Variants in DACH1 observed in about 807,000 individuals in gnomAD.
DACH1 encodes dachshund family transcription factor 1, also known as dachshund homolog 1.
DACH1 carries 12 observed loss-of-function variants against 54.2 expected under a neutral mutation model. The observed-to-expected ratio is 0.22, with a 90% confidence interval of 0.14 to 0.36. The LOEUF (loss-of-function observed/expected upper bound fraction) is 0.36. DACH1 is among the 10% of genes least tolerant of loss of function. The pLI is 1.00. For missense variants in DACH1, 805 were observed against 929.8 expected (o/e 0.87, Z 1.75); for synonymous variants, 386 against 366.2 (o/e 1.05, Z -0.62).
At chr13:71,541,925 G>GTTTTTTTT (rs397720054) in intron 6 of DACH1, among the ~76,000 whole-genome samples, 30 of 105,794 alleles carry the variant, frequency 2.8e-4, no homozygotes, top group Non-Finnish European at 3.4e-4. Context: ...TATTTGCCCA[G>GTTTTTTTT]TTTTTTTTTT....
rs1874833772 is a variant in DACH1, at chr13:71,866,623, G to A, written c.147C>T (p.Ser49=). ...SPAPSIGPPA[S]SGPTLFRPEP... ...CCGGGCGGAACAGAGTTGGCCCAGA[G>A]GACGCCGGGGGTCCGATGGAAGGAG... The change falls in exon 1 of 11, where the codon TCC becomes TCT. Residue 49 remains serine, a synonymous_variant. Transcript: ENST00000613252. The A allele has an allele frequency of 1.6e-5, 22 of 1,389,024 alleles. No homozygotes were observed. The highest frequency in any genetic ancestry group is 2.1e-5 in the Non-Finnish European group (22 of 1,064,942). 86.0% of individuals were successfully genotyped at this position (1,389,024 alleles called of 1,614,324 possible).
At chr13:71,554,564 A>G (rs1884116575) in intron 6 of DACH1, among the ~76,000 whole-genome samples, 1 of 152,108 alleles carries the variant, frequency 6.6e-6, no homozygotes, top group Non-Finnish European at 1.5e-5. Flanking sequence ...GAAGGTCAGA[A>G]AATTCCACCT....
chr13:71,825,382 C>T (rs181423574), intron 1 of DACH1, among the ~76,000 whole-genome samples: 9 of 152,206 alleles, frequency 5.9e-5, no homozygotes, highest in Non-Finnish European at 1.2e-4. Flanking sequence ...AGTATATTTA[C>T]AGGGCTATAT....
chr13:71,443,347 A>C (rs1302053457), intron 10 of DACH1, among the ~76,000 whole-genome samples: 1 of 151,938 alleles, frequency 6.6e-6, no homozygotes, highest in East Asian at 1.9e-4. Context: ...TAATGCCAGC[A>C]CTTTGGGAGG....
At chr13:71,709,312 G>C (rs1051625391) in intron 1 of DACH1, among the ~76,000 whole-genome samples, 3 of 151,480 alleles carry the variant, frequency 2.0e-5, no homozygotes, top group Non-Finnish European at 4.4e-5. Context: ...TTTGCTCTTG[G>C]CAGTTTCAAT....
intron 1 of DACH1, among the ~76,000 whole-genome samples, chr13:71,753,672 A>G (rs191854224): frequency 2.9e-3 from 444 of 152,316 alleles, no homozygotes; most frequent in Non-Finnish European, 5.0e-3. Context: ...TTGCTTCGCA[A>G]GTGGAAGAGC....
intron 6 of DACH1, among the ~76,000 whole-genome samples, chr13:71,506,945 T>A: frequency 6.6e-6 from 1 of 150,848 alleles, no homozygotes; most frequent in African/African-American, 2.4e-5. Flanking sequence ...CCTAAAACCA[T>A]AAAAACCCTA....
chr13:71,837,484 T>A (rs1455195330), intron 1 of DACH1, among the ~76,000 whole-genome samples: 1 of 152,148 alleles, frequency 6.6e-6, no homozygotes, highest in African/African-American at 2.4e-5. Flanking sequence ...CTGTTACTCC[T>A]ATTTATCACC....
At chr13:71,573,399 C>A in intron 3 of DACH1, 1 of 714,344 alleles carries the variant, frequency 1.4e-6, no homozygotes, top group African/African-American at 1.8e-5. Context: ...ATTTTTAATA[C>A]TAAAGAATGC....
intron 2 of DACH1, among the ~76,000 whole-genome samples, chr13:71,666,837 C>T (rs1879870490): frequency 6.6e-6 from 1 of 152,088 alleles, no homozygotes; most frequent in East Asian, 1.9e-4. Context: ...AAAAAATCGG[C>T]TGGGTGTGGT....
chr13:71,567,721 T>C (rs1201010004), intron 4 of DACH1, among the ~76,000 whole-genome samples: 1 of 152,156 alleles, frequency 6.6e-6, no homozygotes, highest in East Asian at 1.9e-4. Flanking sequence ...TTGTCTATGG[T>C]CACACTGGTT....
chr13:71,859,138 A>C (rs952027523), intron 1 of DACH1, among the ~76,000 whole-genome samples: 7 of 151,820 alleles, frequency 4.6e-5, no homozygotes, highest in African/African-American at 1.7e-4. Context: ...CATACATTTA[A>C]ATGTGCAGAA....
At chr13:71,622,496 A>G (rs545413523) in intron 3 of DACH1, among the ~76,000 whole-genome samples, 14 of 152,098 alleles carry the variant, frequency 9.2e-5, no homozygotes, top group Admixed American at 9.2e-4. Flanking sequence ...TATCATATTA[A>G]TGAAGAAAAA....
chr13:71,781,719 T>C (rs537931751), intron 1 of DACH1, among the ~76,000 whole-genome samples: 5 of 152,166 alleles, frequency 3.3e-5, no homozygotes, highest in African/African-American at 1.2e-4. Context: ...CTAACAATTA[T>C]GATTTTTCTT....
chr13:71,639,388 C>G (rs1877729859), intron 2 of DACH1, among the ~76,000 whole-genome samples: 1 of 151,976 alleles, frequency 6.6e-6, no homozygotes, highest in South Asian at 2.1e-4. Context: ...GCCTTTGAAA[C>G]ACATTTGTAT....
intron 1 of DACH1, among the ~76,000 whole-genome samples, chr13:71,689,288 T>C (rs1304969430): frequency 6.6e-6 from 1 of 152,136 alleles, no homozygotes; most frequent in East Asian, 1.9e-4. Flanking sequence ...CACCAATATG[T>C]CCTCATCATT....
chr13:71,705,622 A>C (rs1053486431), intron 1 of DACH1, among the ~76,000 whole-genome samples: 4 of 152,236 alleles, frequency 2.6e-5, no homozygotes, highest in African/African-American at 9.6e-5. Flanking sequence ...ATAGGCAGAT[A>C]GGCAATTTGT....
chr13:71,782,042 T>C (rs543869001), intron 1 of DACH1, among the ~76,000 whole-genome samples: 4 of 152,314 alleles, frequency 2.6e-5, no homozygotes, highest in African/African-American at 9.6e-5. Flanking sequence ...GCTGTAACTA[T>C]CTCATCATCC....
chr13:71,569,295 C>T (rs2138406200), intron 4 of DACH1, among the ~76,000 whole-genome samples: 1 of 152,096 alleles, frequency 6.6e-6, no homozygotes, highest in Non-Finnish European at 1.5e-5. Flanking sequence ...TATCGACAAA[C>T]TTTTTTGGTA....
Sources: allele counts gnomAD v4.1 joint callset (sites outside exome capture counted in the v4.1 genomes callset), GRCh38; gene constraint gnomAD v4.1.1; transcripts MANE v1.5; gene names NCBI Gene and HGNC (gene_info 2026-07-23, HGNC 2026-07-21).